The following FGF14 variants were observed in gnomAD, a reference collection of about 807,000 sequenced individuals.
The protein encoded by FGF14 is fibroblast growth factor 14, also known as fibroblast growth factor homologous factor 4.
FGF14 carries 5 observed loss-of-function variants against 25.5 expected under a neutral mutation model. That is an observed-to-expected ratio of 0.20 (90% confidence interval 0.10 to 0.41). FGF14 has a LOEUF of 0.41. FGF14 is among the 10% of genes least tolerant of loss of function. The probability of loss-of-function intolerance (pLI) is 1.00; values close to 1 mark genes in which losing one functional copy is unlikely to be tolerated. For missense variants in FGF14, 222 were observed against 320.1 expected (o/e 0.69, Z 2.34); for synonymous variants, 138 against 118.3 (o/e 1.17, Z -1.08).
At chr13:101,749,618 G>A (rs911400234) in intron 3 of FGF14, among the ~76,000 whole-genome samples, 3 of 151,922 alleles carry the variant, frequency 2.0e-5, no homozygotes, top group African/African-American at 7.2e-5. Context: ...TGTGTGTTAG[G>A]GTTAGGAGAC....
chr13:102,122,394 T>G (rs573777037), intron 1 of FGF14, among the ~76,000 whole-genome samples: 2 of 152,310 alleles, frequency 1.3e-5, no homozygotes, highest in Admixed American at 1.3e-4. Flanking sequence ...TCTTGACCTT[T>G]CATCTCACAG....
chr13:101,875,176 T>A lies in FGF14; in HGVS notation c.304+10A>T, dbSNP rs1490981250. 3 of 1,589,474 alleles carry A rather than the reference T, an allele frequency of 1.9e-6. No individual in the cohort carries two copies. The highest frequency in any genetic ancestry group is 1.7e-5 in the Admixed American group (1 of 59,932). ...AACTATGTAACTGGTGGCCTGAGGT[T>A]GTCACTTACTAGAATTAGTGCTGTC... On this transcript the variant is annotated intron_variant, in intron 2 of 4. Transcript: ENST00000376143.
Position 101,717,005 on chromosome 13 carries a change from A to G in FGF14, c.*5826T>C, listed in dbSNP as rs2034749238. 6.6e-6 allele frequency: 1 copy of G among 151,958 alleles called. No individual in the cohort carries two copies. Among genetic ancestry groups the G allele is most frequent in the Non-Finnish European group, 1.5e-5 (1 of 67,938 alleles). The allele number at this position is 151,958 out of a possible 1,614,324, so 9.4% of individuals were successfully genotyped here. A position where few individuals can be genotyped will look rare whatever the true frequency, so the allele number is the denominator to read the frequency against. The stretch of plus-strand genomic sequence containing the variant: ...GTTTAGGCAACCTTTAATTATTTAG[A>G]GCTAAAAAAAAAACCACTTTTTTTC... On this transcript the variant is annotated 3_prime_UTR_variant, in exon 5 of 5. Coordinates refer to ENST00000376143, the MANE Select transcript of FGF14 (RefSeq NM_004115.4).
intron 1 of FGF14, chr13:102,293,182 A>G (rs1249642737): frequency 6.6e-6 from 1 of 152,220 alleles, no homozygotes; most frequent in Non-Finnish European, 1.5e-5. Flanking sequence ...TGAAAGCAAG[A>G]GATCAGGTAT....
chr13:101,990,642 G>A (rs1003165631), intron 1 of FGF14, among the ~76,000 whole-genome samples: 1 of 152,068 alleles, frequency 6.6e-6, no homozygotes, highest in Non-Finnish European at 1.5e-5. Flanking sequence ...GGGCTTTGGG[G>A]TGGCTCATGC....
intron 1 of FGF14, among the ~76,000 whole-genome samples, chr13:101,957,904 A>T (rs2036606633): frequency 6.6e-6 from 1 of 152,200 alleles, no homozygotes; most frequent in Admixed American, 6.5e-5. Flanking sequence ...CAAGAAAAAA[A>T]AATTGGTGAA....
intron 1 of FGF14, among the ~76,000 whole-genome samples, chr13:102,189,649 T>C (rs944942166): frequency 6.6e-6 from 1 of 152,160 alleles, no homozygotes; most frequent in Non-Finnish European, 1.5e-5. Flanking sequence ...GCCAGACACA[T>C]TGTATTACCA....
rs1312784184 is a variant in FGF14, at chr13:101,722,460, CAT to C, written c.*369_*370del. 2.7e-5 allele frequency: 9 copies of C among 331,770 alleles called. No homozygotes were observed. Among genetic ancestry groups the C allele is most frequent in the South Asian group, 5.3e-5 (2 of 37,528 alleles). 20.6% of individuals were successfully genotyped at this position (331,770 alleles called of 1,614,324 possible). A position where few individuals can be genotyped will look rare whatever the true frequency, so the allele number is the denominator to read the frequency against. The stretch of plus-strand genomic sequence containing the variant: ...TGTGCTACAAAATTGAACTTAAACA[CAT>C]AGATTTCGCTGAAACAGGACTCAAA... On this transcript the variant is annotated 3_prime_UTR_variant, in exon 5 of 5. Transcript: ENST00000376143.
intron 1 of FGF14, among the ~76,000 whole-genome samples, chr13:102,269,259 C>T (rs1161220117): frequency 6.6e-6 from 1 of 152,194 alleles, no homozygotes; most frequent in Non-Finnish European, 1.5e-5. Context: ...ATTTCACAAT[C>T]AGCAATAGAC....
chr13:101,770,734 C>A (rs9518530), intron 3 of FGF14, among the ~76,000 whole-genome samples: 1,623 of 151,936 alleles, frequency 0.011, 14 homozygotes, highest in Non-Finnish European at 0.017. Context: ...AGATACTAAA[C>A]CTGATGCTTT....
chr13:102,043,207 T>C (rs1414411334), intron 1 of FGF14, among the ~76,000 whole-genome samples: 1 of 152,188 alleles, frequency 6.6e-6, no homozygotes, highest in African/African-American at 2.4e-5. Flanking sequence ...AGTGTTGATA[T>C]TGACTCCTTT....
At chr13:101,913,499 ATT>A (rs11410397) in intron 1 of FGF14, among the ~76,000 whole-genome samples, 2 of 151,902 alleles carry the variant, frequency 1.3e-5, no homozygotes, top group Non-Finnish European at 2.9e-5. Flanking sequence ...TTAATAAAGG[ATT>A]TTTTAAAACC....
chr13:102,384,653 T>C (rs1438666935), intron 1 of FGF14, among the ~76,000 whole-genome samples: 1 of 152,184 alleles, frequency 6.6e-6, no homozygotes, highest in African/African-American at 2.4e-5. Context: ...ATGATATTAC[T>C]GTACCCTACA....
At chr13:102,068,572 C>G (rs892228127) in intron 1 of FGF14, among the ~76,000 whole-genome samples, 5 of 152,210 alleles carry the variant, frequency 3.3e-5, no homozygotes, top group Non-Finnish European at 7.4e-5. Flanking sequence ...TCGGAGCAGA[C>G]GGCCGGCCCT....
At chr13:101,839,982 T>C (rs2043119527) in intron 3 of FGF14, among the ~76,000 whole-genome samples, 1 of 151,972 alleles carries the variant, frequency 6.6e-6, no homozygotes, top group South Asian at 2.1e-4. Flanking sequence ...TGTTTTTGTG[T>C]CCCTTTAACT....
Position 102,170,653 on chromosome 13 carries a change from G to A in FGF14, c.208+230818C>T, listed in dbSNP as rs192434143. Among the ~76,000 whole-genome samples, 1,367 of 152,140 alleles carry A rather than the reference G, an allele frequency of 9.0e-3. 9 individuals carry two copies. Among genetic ancestry groups the A allele is most frequent in the Non-Finnish European group, 0.015 (1,003 of 68,006 alleles). ...GTGGGCCGAGATGTCCCTCAGCAAT[G>A]TTTTGTTTTAACAACATTGAAAAAC... On this transcript the variant is annotated intron_variant, in intron 1 of 4. Transcript: ENST00000376131.
intron 1 of FGF14, among the ~76,000 whole-genome samples, chr13:102,205,428 G>C (rs2049860976): frequency 6.6e-6 from 1 of 152,072 alleles, no homozygotes; most frequent in Non-Finnish European, 1.5e-5. Context: ...GGTTGGAATG[G>C]AAACAAAGCA....
At chr13:102,102,129 T>C (rs10508083) in intron 1 of FGF14, among the ~76,000 whole-genome samples, 16,841 of 152,174 alleles carry the variant, frequency 0.11, 999 homozygotes, top group African/African-American at 0.15. Context: ...TTGGTATGAG[T>C]GATTAACTTT....
chr13:101,984,090 C>G (rs1233674721), intron 1 of FGF14, among the ~76,000 whole-genome samples: 2 of 152,080 alleles, frequency 1.3e-5, no homozygotes, highest in Non-Finnish European at 2.9e-5. Context: ...ATAATATCAC[C>G]TTCCTGTTGC....
Sources: allele counts gnomAD v4.1 joint callset (sites outside exome capture counted in the v4.1 genomes callset), GRCh38; gene constraint gnomAD v4.1.1; transcripts MANE v1.5; gene names NCBI Gene and HGNC (gene_info 2026-07-23, HGNC 2026-07-21).